Variants in TRAF2 observed in about 807,000 individuals in gnomAD.
The protein encoded by TRAF2 is TNF receptor associated factor 2, also known as TNF receptor-associated factor 2.
TRAF2 carries 6 observed loss-of-function variants against 55.6 expected under a neutral mutation model. The observed-to-expected ratio is 0.11, with a 90% CI of 0.06 to 0.21. The LOEUF (loss-of-function observed/expected upper bound fraction) is 0.21. Among genes scored for constraint, TRAF2 ranks in the 10% least tolerant of loss-of-function variants. The pLI is 1.00. For synonymous variants in TRAF2, 329 were observed against 276.3 expected, an observed-to-expected ratio of 1.19 and a Z score of -1.89; for missense variants, 561 against 684.5, an observed-to-expected ratio of 0.82 and a Z score of 2.01.
At chr9:136,911,856 T>TC (rs1850116630) in intron 6 of TRAF2, among the ~76,000 whole-genome samples, 2 of 119,246 alleles carry the variant, frequency 1.7e-5, no homozygotes, top group Non-Finnish European at 3.5e-5. Flanking sequence ...CTTTTTTTTT[T>TC]TTTTTTTTTT....
intron 4 of TRAF2, among the ~76,000 whole-genome samples, chr9:136,907,428 T>C (rs1419512710): frequency 6.6e-6 from 1 of 152,252 alleles, no homozygotes; most frequent in Non-Finnish European, 1.5e-5. Flanking sequence ...TGTGTGTCAC[T>C]GGCCCTCGCC....
At chr9:136,921,780 G>T (rs912039975) in intron 9 of TRAF2, among the ~76,000 whole-genome samples, 19 of 152,096 alleles carry the variant, frequency 1.2e-4, no homozygotes, top group African/African-American at 3.1e-4. Flanking sequence ...TGGAGAGGGG[G>T]TGGGGTGGTG....
chr9:136,896,636 C>T (rs1849686131), intron 1 of TRAF2, among the ~76,000 whole-genome samples: 1 of 152,068 alleles, frequency 6.6e-6, no homozygotes. Context: ...AACCGAGTGC[C>T]TGTCTCTCCC....
chr9:136,893,296 T>C (rs866904300), intron 1 of TRAF2, among the ~76,000 whole-genome samples: 5 of 152,314 alleles, frequency 3.3e-5, no homozygotes, highest in Middle Eastern at 6.8e-3. Flanking sequence ...TATAAGCATG[T>C]TTTCTGAACT....
intron 1 of TRAF2, among the ~76,000 whole-genome samples, chr9:136,889,193 CTTTT>C (rs1283981362): frequency 1.4e-5 from 2 of 144,502 alleles, no homozygotes; most frequent in East Asian, 4.1e-4. Flanking sequence ...GTTTGTTTTT[CTTTT>C]TTTGTTTGTG....
upstream of TRAF2, among the ~76,000 whole-genome samples, chr9:136,884,234 C>T (rs906343702): frequency 2.0e-5 from 3 of 151,514 alleles, no homozygotes; most frequent in Non-Finnish European, 4.4e-5. Context: ...AGGCATGAGC[C>T]GCCGTGCCTG....
At chr9:136,897,294 C>T (rs1041780559) in intron 1 of TRAF2, among the ~76,000 whole-genome samples, 2 of 67,386 alleles carry the variant, frequency 3.0e-5, no homozygotes, top group African/African-American at 1.6e-4. Flanking sequence ...TCACTGGTGG[C>T]CTTGGTGCTT....
intron 4 of TRAF2, among the ~76,000 whole-genome samples, chr9:136,905,575 G>A (rs755248489): frequency 2.6e-5 from 4 of 152,198 alleles, no homozygotes; most frequent in Non-Finnish European, 5.9e-5. Flanking sequence ...CTGTGCACTT[G>A]AAAATGGTTA....
Position 136,908,729 on chromosome 9 carries a change from G to A in TRAF2, c.528+498G>A, listed in dbSNP as rs1212542369. Among the ~76,000 whole-genome samples the A allele has an allele frequency of 3.9e-5, 6 of 152,266 alleles. No homozygotes were observed. The East Asian group carries it at 1.2e-3, about 29-fold the overall frequency. Reference sequence around the variant, plus strand: ...AAAATACAAAAACAAAATTAGCTGGGCATGGTGGCGGGCGCCTGCAGTCCC... The same window carrying A: ...AAAATACAAAAACAAAATTAGCTGGACATGGTGGCGGGCGCCTGCAGTCCC... On this transcript the variant is annotated intron_variant, in intron 5 of 10. Coordinates refer to ENST00000247668, the MANE Select transcript of TRAF2 (RefSeq NM_021138.4).
chr9:136,925,356 T>G (rs1225775856), intron 10 of TRAF2, among the ~76,000 whole-genome samples: 2 of 152,228 alleles, frequency 1.3e-5, no homozygotes, highest in East Asian at 3.8e-4. Flanking sequence ...GCCAGATGTG[T>G]TATTTTTTGC....
chr9:136,897,353 G>C (rs1467378475), intron 1 of TRAF2, among the ~76,000 whole-genome samples: 1 of 152,250 alleles, frequency 6.6e-6, no homozygotes, highest in Non-Finnish European at 1.5e-5. Flanking sequence ...GTCTGTGGCT[G>C]CCTTGGTGGG....
intron 5 of TRAF2, among the ~76,000 whole-genome samples, chr9:136,909,019 C>CA (rs1850030174): frequency 1.4e-5 from 2 of 145,494 alleles, no homozygotes; most frequent in South Asian, 4.5e-4. Context: ...GCCTGGGCAA[C>CA]AGAGGAAGAC....
intron 4 of TRAF2, among the ~76,000 whole-genome samples, chr9:136,906,423 G>GC (rs1849953651): frequency 6.6e-6 from 1 of 152,138 alleles, no homozygotes; most frequent in African/African-American, 2.4e-5. Context: ...ATGGCAGCAG[G>GC]CAAGAGAGCA....
In TRAF2 at chr9:136,921,100, G is replaced by T. The variant is rs1467383373; in HGVS notation, c.1023G>T (p.Lys341Asn). ...KDLAMADLEQ[K>N]VLEMEASTYD... ...TGGCGATGGCTGACTTGGAGCAGAA[G>T]GTCTTGGAGATGGAGGCATCCACCT... Residue 341 changes from lysine to asparagine, a missense_variant, in exon 9 of 11, where the codon AAG becomes AAT. Coordinates refer to ENST00000247668, the MANE Select transcript of TRAF2 (RefSeq NM_021138.4). 4 of 1,613,986 alleles carry T rather than the reference G, an allele frequency of 2.5e-6. No homozygotes were observed. The highest frequency in any genetic ancestry group is 3.4e-6 in the Non-Finnish European group (4 of 1,180,030).
chr9:136,900,897 G>A (rs17244397), intron 4 of TRAF2, among the ~76,000 whole-genome samples: 9 of 152,310 alleles, frequency 5.9e-5, no homozygotes, highest in Non-Finnish European at 1.2e-4. Flanking sequence ...CATTTCCTGG[G>A]AATGAAGGGG....
intron 9 of TRAF2, among the ~76,000 whole-genome samples, chr9:136,922,825 G>A (rs1850424804): frequency 7.1e-6 from 1 of 141,092 alleles, no homozygotes; most frequent in Non-Finnish European, 1.5e-5. Flanking sequence ...GGGAGGATGG[G>A]TCTGGGGGCA....
At chr9:136,925,588 C>T (rs1850510676) in intron 10 of TRAF2, 95 bp from the exon 11 acceptor site, 9 of 1,302,496 alleles carry the variant, frequency 6.9e-6, no homozygotes, top group East Asian at 2.4e-5. Flanking sequence ...CTGGGATGGC[C>T]TCCTGCTGGT....
At chr9:136,919,295 CTT>C (rs34390498) in intron 7 of TRAF2, among the ~76,000 whole-genome samples, 4 of 90,212 alleles carry the variant, frequency 4.4e-5, no homozygotes, top group Non-Finnish European at 6.0e-5. Context: ...TTGTGGGTGG[CTT>C]TTTTTTTTTT....
chr9:136,912,683 A>C (rs1850144454), intron 6 of TRAF2, among the ~76,000 whole-genome samples: 1 of 152,270 alleles, frequency 6.6e-6, no homozygotes, highest in East Asian at 1.9e-4. Flanking sequence ...CTGAAAATAC[A>C]AAAATTAGCT....
Sources: gnomAD v4.1 joint callset for allele counts (sites outside exome capture counted in the v4.1 genomes callset) on GRCh38, gnomAD v4.1.1 for gene constraint, MANE v1.5 for transcripts, NCBI Gene and HGNC (gene_info 2026-07-23, HGNC 2026-07-21) for gene names.